Variants in AGMO observed in about 807,000 individuals in gnomAD.
AGMO encodes the protein alkylglycerol monooxygenase.
AGMO carries 75 observed loss-of-function variants against 60.2 expected under a neutral mutation model. That is an observed-to-expected ratio of 1.25 (90% CI 1.03 to 1.51). The LOEUF (loss-of-function observed/expected upper bound fraction) is 1.51, where lower values mean the gene tolerates loss of function less well. Ranked by LOEUF, AGMO falls within the 40% of genes most tolerant of loss-of-function variation. AGMO has a pLI of 0.00. For synonymous variants in AGMO, 261 were observed against 177.1 expected, an observed-to-expected ratio of 1.47 and a Z score of -3.76; for missense variants, 763 against 525.5, an observed-to-expected ratio of 1.45 and a Z score of -4.42.
intron 4 of AGMO, among the ~76,000 whole-genome samples, chr7:15,422,186 T>C (rs1471279359): frequency 6.6e-6 from 1 of 152,066 alleles, no homozygotes; most frequent in African/African-American, 2.4e-5. Context: ...AAAGAGGGAT[T>C]ACCTCTATGT....
At chr7:15,287,126 C>T (rs1401681409) in intron 12 of AGMO, among the ~76,000 whole-genome samples, 1 of 152,030 alleles carries the variant, frequency 6.6e-6, no homozygotes, top group African/African-American at 2.4e-5. Flanking sequence ...GGGTACGATA[C>T]ACACTACTCA....
chr7:15,521,131 C>T (rs1415424622), intron 3 of AGMO, among the ~76,000 whole-genome samples: 2 of 152,074 alleles, frequency 1.3e-5, no homozygotes, highest in East Asian at 3.9e-4. Flanking sequence ...ATACACCCTC[C>T]CAAGACTAAA....
the AGMO span, among the ~76,000 whole-genome samples, chr7:15,121,304 T>C: frequency 1.3e-5 from 2 of 152,174 alleles, no homozygotes; most frequent in African/African-American, 4.8e-5. Context: ...GTCTTTATAG[T>C]AGAATGATTC....
At chr7:15,118,173 A>AACAC in the AGMO span, among the ~76,000 whole-genome samples, 7,902 of 144,540 alleles carry the variant, frequency 0.055, 249 homozygotes, top group African/African-American at 0.085. Context: ...ACTAAAGAGA[A>AACAC]ACACACACAC....
chr7:15,412,302 C>T (rs547933719), intron 5 of AGMO, among the ~76,000 whole-genome samples: 11 of 152,030 alleles, frequency 7.2e-5, no homozygotes, highest in African/African-American at 2.4e-4. Context: ...TAGAGTGTTG[C>T]TGAGAAGAAT....
the AGMO span, among the ~76,000 whole-genome samples, chr7:15,187,056 A>ATC: frequency 3.3e-5 from 5 of 152,190 alleles, no homozygotes; most frequent in Non-Finnish European, 7.3e-5. Context: ...TTATAAAGTA[A>ATC]TTTTCTTTTT....
intron 12 of AGMO, among the ~76,000 whole-genome samples, chr7:15,344,541 T>C (rs1458807681): frequency 6.6e-6 from 1 of 151,962 alleles, no homozygotes; most frequent in Non-Finnish European, 1.5e-5. Context: ...CTACCAAAAA[T>C]ACAAAAATTA....
At position 15,394,328 on chromosome 7, in the gene AGMO, T is replaced by G. The variant is rs1784281165; in HGVS notation, c.610-149A>C. 15 of 640,154 alleles carry G rather than the reference T, an allele frequency of 2.3e-5. No homozygotes were observed. In the South Asian group the frequency reaches 3.0e-4, roughly 13 times the overall value. The allele number at this position is 640,154 out of a possible 1,614,324, so 39.7% of individuals were successfully genotyped here. A position where few individuals can be genotyped will look rare whatever the true frequency, so the allele number is the denominator to read the frequency against. On this transcript the variant is annotated intron_variant, in intron 5 of 12. Transcript: ENST00000342526. ...AGAGTGGAAAAAAGTTCCACTGAAA[T>G]CTGGAATTCATATAAAGACAATAGT...
chr7:15,177,115 T>G, the AGMO span, among the ~76,000 whole-genome samples: 2 of 151,626 alleles, frequency 1.3e-5, no homozygotes, highest in Non-Finnish European at 2.9e-5. Context: ...AAAACATGAT[T>G]TAAAAACATT....
intron 10 of AGMO, among the ~76,000 whole-genome samples, chr7:15,379,013 C>T (rs775709094): frequency 5.9e-5 from 9 of 151,818 alleles, no homozygotes; most frequent in African/African-American, 1.5e-4. Context: ...AATCACTTTT[C>T]GGTAAATGAT....
At chr7:15,226,983 A>C (rs543558188) in intron 12 of AGMO, among the ~76,000 whole-genome samples, 22 of 152,214 alleles carry the variant, frequency 1.4e-4, no homozygotes, top group African/African-American at 5.3e-4. Flanking sequence ...ATGGTTAGGG[A>C]AGAATGTTGC....
intron 12 of AGMO, among the ~76,000 whole-genome samples, chr7:15,231,413 T>C (rs185959380): frequency 1.4e-3 from 215 of 152,322 alleles, no homozygotes; most frequent in Non-Finnish European, 2.4e-3. Flanking sequence ...TCTCTCCCTA[T>C]CTCAAAGCAT....
intron 3 of AGMO, among the ~76,000 whole-genome samples, chr7:15,494,557 C>T (rs1379361294): frequency 6.6e-6 from 1 of 152,162 alleles, no homozygotes; most frequent in African/African-American, 2.4e-5. Context: ...TGCTCCCAGC[C>T]TGTGTAGCAA....
chr7:15,325,619 G>A (rs533465212), intron 12 of AGMO, among the ~76,000 whole-genome samples: 1 of 151,988 alleles, frequency 6.6e-6, no homozygotes, highest in African/African-American at 2.4e-5. Flanking sequence ...AAAGGAAAAT[G>A]GTTGAAACAG....
At chr7:15,141,238 T>C in the AGMO span, among the ~76,000 whole-genome samples, 1 of 152,286 alleles carries the variant, frequency 6.6e-6, no homozygotes, top group East Asian at 1.9e-4. Context: ...TTGTGGTTTA[T>C]GGTTTTGTCT....
intron 3 of AGMO, among the ~76,000 whole-genome samples, chr7:15,532,969 T>A (rs902426659): frequency 2.0e-5 from 3 of 152,100 alleles, no homozygotes; most frequent in Non-Finnish European, 4.4e-5. Context: ...CCAGCCTGGG[T>A]GACAGAGCAA....
At chr7:15,118,592 A>T in the AGMO span, among the ~76,000 whole-genome samples, 3 of 152,104 alleles carry the variant, frequency 2.0e-5, no homozygotes, top group African/African-American at 7.2e-5. Flanking sequence ...AACATTTCTA[A>T]TATCTTCCGT....
chr7:15,349,981 GA>G (rs1447484282), intron 12 of AGMO, among the ~76,000 whole-genome samples: 1 of 152,010 alleles, frequency 6.6e-6, no homozygotes, highest in African/African-American at 2.4e-5. Flanking sequence ...TATCAAATGT[GA>G]ACAAATGGTA....
At chr7:15,498,274 G>C (rs1783287544) in intron 3 of AGMO, among the ~76,000 whole-genome samples, 1 of 151,950 alleles carries the variant, frequency 6.6e-6, no homozygotes, top group Non-Finnish European at 1.5e-5. Context: ...TAGAAAAACA[G>C]TAGTAGTGAT....
Sources: gnomAD v4.1 joint callset for allele counts (sites outside exome capture counted in the v4.1 genomes callset) on GRCh38, gnomAD v4.1.1 for gene constraint, MANE v1.5 for transcripts, NCBI Gene and HGNC (gene_info 2026-07-23, HGNC 2026-07-21) for gene names.